ARHGAP44: variants seen among roughly 807,000 people sequenced by gnomAD.
ARHGAP44 encodes Rho GTPase activating protein 44, also known as rho GTPase-activating protein 44.
A neutral mutation model predicts 106.8 loss-of-function variants in ARHGAP44; 43 were observed. The observed-to-expected ratio is 0.40, with a 90% confidence interval of 0.32 to 0.52. The LOEUF is 0.52. Among genes scored for constraint, ARHGAP44 ranks in the 20% least tolerant of loss-of-function variants. The pLI, the probability that ARHGAP44 is intolerant of heterozygous loss-of-function variation, is 0.48. For synonymous variants in ARHGAP44, 439 were observed against 410.3 expected (o/e 1.07, Z -0.85); for missense variants, 866 against 1,050.5 (o/e 0.82, Z 2.43).
intron 1 of ARHGAP44, 96 bp downstream of exon 1, chr17:12,789,987 C>T: frequency 4.9e-6 from 6 of 1,225,266 alleles, no homozygotes; most frequent in Non-Finnish European, 5.5e-6. Flanking sequence ...TCCAGTCCTC[C>T]TTGCCTCAGT....
At chr17:12,935,298 G>C (rs1439224270) in intron 7 of ARHGAP44, among the ~76,000 whole-genome samples, 1 of 152,210 alleles carries the variant, frequency 6.6e-6, no homozygotes, top group Admixed American at 6.5e-5. Context: ...TATGGGCCGG[G>C]TGCGGTGGCT....
At chr17:12,986,628 T>C (rs1038400209) in intron 20 of ARHGAP44, 2 of 137,260 alleles carry the variant, frequency 1.5e-5, no homozygotes, top group African/African-American at 5.6e-5. Context: ...GGAGCCGAGA[T>C]TGTGCCACTG....
intron 16 of ARHGAP44, among the ~76,000 whole-genome samples, chr17:12,965,472 A>G (rs2039368067): frequency 6.6e-6 from 1 of 152,160 alleles, no homozygotes; most frequent in African/African-American, 2.4e-5. Context: ...GTGGACTTTA[A>G]TCTAGATGTT....
rs186303553 is a variant in ARHGAP44, at chr17:12,952,001, C to T, written c.1056-500C>T. Among the ~76,000 whole-genome samples, 690 of 152,260 alleles carry T rather than the reference C, an allele frequency of 4.5e-3. 2 individuals are homozygous for T. The highest frequency in any genetic ancestry group is 0.013 in the African/African-American group (548 of 41,552). On this transcript the variant is annotated intron_variant, in intron 12 of 20. Coordinates refer to ENST00000379672, the MANE Select transcript of ARHGAP44 (RefSeq NM_014859.6). Reference sequence around the variant, plus strand: ...CCAACTCAGCAGGACACAGACAGATCTGCCATAAGATGGGACATCCGGGGG... The same window carrying T: ...CCAACTCAGCAGGACACAGACAGATTTGCCATAAGATGGGACATCCGGGGG...
chr17:12,990,210 A>C lies in ARHGAP44; in HGVS notation c.*39A>C. 2 of 1,583,254 alleles carry C rather than the reference A, an allele frequency of 1.3e-6. No homozygotes were observed. Among genetic ancestry groups the C allele is most frequent in the Non-Finnish European group, 1.7e-6 (2 of 1,156,218 alleles). ...ATCCTGCCTCGCGTGTACATACATC[A>C]CGGGCCCTAGGAACGCCGCCAGGAG... On this transcript the variant is annotated 3_prime_UTR_variant, in exon 21 of 21. Coordinates refer to ENST00000379672, the MANE Select transcript of ARHGAP44 (RefSeq NM_014859.6).
intron 1 of ARHGAP44, among the ~76,000 whole-genome samples, chr17:12,839,834 A>G (rs1307865859): frequency 6.6e-6 from 1 of 152,206 alleles, no homozygotes; most frequent in Non-Finnish European, 1.5e-5. Context: ...TTAAGGGATT[A>G]ACCCAGGAAT....
intron 17 of ARHGAP44, 174 bp from the exon 18 acceptor site, chr17:12,973,915 G>A (rs886550450): frequency 1.4e-5 from 10 of 715,662 alleles, no homozygotes; most frequent in Non-Finnish European, 2.4e-5. Context: ...TTGGCCGCCG[G>A]GAGCAGCCAG....
intron 1 of ARHGAP44, among the ~76,000 whole-genome samples, chr17:12,856,607 A>G (rs1197748206): frequency 1.3e-5 from 2 of 152,108 alleles, no homozygotes; most frequent in African/African-American, 4.8e-5. Flanking sequence ...AAACTTTTGA[A>G]AGGCTGTTAT....
At chr17:12,989,733 C>T (rs1203966553) in intron 20 of ARHGAP44, among the ~76,000 whole-genome samples, 1 of 152,174 alleles carries the variant, frequency 6.6e-6, no homozygotes, top group Admixed American at 6.5e-5. Context: ...ACTCAGCATC[C>T]TTCTTATCAA....
intron 1 of ARHGAP44, among the ~76,000 whole-genome samples, chr17:12,850,394 T>C (rs1258599512): frequency 2.6e-5 from 4 of 151,970 alleles, no homozygotes; most frequent in African/African-American, 9.7e-5. Context: ...TTTTAAGAAA[T>C]TGCGATTGCC....
At chr17:12,900,538 G>A (rs573642728) in intron 3 of ARHGAP44, among the ~76,000 whole-genome samples, 1 of 152,244 alleles carries the variant, frequency 6.6e-6, no homozygotes, top group East Asian at 1.9e-4. Flanking sequence ...TTCTCATTAG[G>A]AAGTCATACC....
intron 1 of ARHGAP44, among the ~76,000 whole-genome samples, chr17:12,880,154 G>A (rs1271544390): frequency 6.6e-6 from 1 of 151,954 alleles, no homozygotes; most frequent in Non-Finnish European, 1.5e-5. Flanking sequence ...TATGTAATAT[G>A]CTTAAATACT....
intron 1 of ARHGAP44, among the ~76,000 whole-genome samples, chr17:12,890,095 G>A (rs1169118941): frequency 6.6e-6 from 1 of 152,102 alleles, no homozygotes; most frequent in East Asian, 1.9e-4. Context: ...CAGTTCTGGG[G>A]TTTGGGGGCA....
chr17:12,919,477 C>T (rs1456871626), intron 5 of ARHGAP44, among the ~76,000 whole-genome samples: 2 of 148,672 alleles, frequency 1.3e-5, no homozygotes, highest in Non-Finnish European at 3.0e-5. Context: ...CCTTTGCCTC[C>T]TGGGTTCAAG....
At chr17:12,988,149 C>G (rs1025420114) in intron 20 of ARHGAP44, 1 of 152,190 alleles carries the variant, frequency 6.6e-6, no homozygotes, top group Non-Finnish European at 1.5e-5. Flanking sequence ...GAATCCCATT[C>G]CCTTGCATAG....
chr17:12,799,108 T>C (rs1306242392), intron 1 of ARHGAP44, among the ~76,000 whole-genome samples: 1 of 152,194 alleles, frequency 6.6e-6, no homozygotes, highest in African/African-American at 2.4e-5. Context: ...TTAAGCTATT[T>C]TCATTTGGAT....
Position 12,919,976 on chromosome 17 carries a change from A to G in ARHGAP44, c.464+145A>G, listed in dbSNP as rs188954255. On this transcript the variant is annotated intron_variant, in intron 6 of 20. Transcript: ENST00000379672. Reference sequence around the variant, plus strand: ...TGTACCAGGCACTGGAGGTAGTCACAGTGAACTCGAGACACTGGGTCCCTG... The same window carrying G: ...TGTACCAGGCACTGGAGGTAGTCACGGTGAACTCGAGACACTGGGTCCCTG... 72 of 638,278 alleles carry G rather than the reference A, an allele frequency of 1.1e-4. No homozygotes were observed. In the Middle Eastern group the frequency reaches 3.5e-3, roughly 31 times the overall value. 39.5% of individuals were successfully genotyped at this position (638,278 alleles called of 1,614,324 possible).
At chr17:12,790,038 G>T in intron 1 of ARHGAP44, 147 bp downstream of exon 1, 1 of 687,058 alleles carries the variant, frequency 1.5e-6, no homozygotes, top group South Asian at 2.3e-5. Context: ...CCGCTCGCAG[G>T]CGCGACCCCT....
chr17:12,920,240 G>A (rs1003149717), intron 6 of ARHGAP44, among the ~76,000 whole-genome samples: 1 of 150,954 alleles, frequency 6.6e-6, no homozygotes, highest in Non-Finnish European at 1.5e-5. Flanking sequence ...GCCGGGCATG[G>A]TGGCGGGTGC....
Sources: allele counts gnomAD v4.1 joint callset (sites outside exome capture counted in the v4.1 genomes callset), GRCh38; gene constraint gnomAD v4.1.1; transcripts MANE v1.5; gene names NCBI Gene and HGNC (gene_info 2026-07-23, HGNC 2026-07-21).